Variants in GALNT8 observed in about 807,000 individuals in gnomAD.
GALNT8 encodes probable polypeptide N-acetylgalactosaminyltransferase 8.
A neutral mutation model predicts 62.7 loss-of-function variants in GALNT8; 66 were observed. The observed-to-expected ratio is 1.05, with a 90% CI of 0.86 to 1.29. GALNT8 has a LOEUF of 1.29. Among genes scored for constraint, GALNT8 ranks in the 50% most tolerant of loss-of-function variants. The pLI is 0.00. For missense variants in GALNT8, 771 were observed against 791.8 expected, an observed-to-expected ratio of 0.97 and a Z score of 0.32; for synonymous variants, 288 against 294.3, an observed-to-expected ratio of 0.98 and a Z score of 0.22.
chr12:4,759,557 T>A (rs1261889565), intron 6 of GALNT8, among the ~76,000 whole-genome samples: 1 of 151,722 alleles, frequency 6.6e-6, no homozygotes, highest in Non-Finnish European at 1.5e-5. Context: ...TTTTCTTTTT[T>A]TTTTAGTCCA....
Position 4,726,678 on chromosome 12 carries a change from C to T in GALNT8, c.358C>T (p.Pro120Ser), listed in dbSNP as rs772603603. 3.1e-6 allele frequency: 5 copies of T among 1,614,002 alleles called. No individual in the cohort carries two copies. The South Asian group carries it at 5.5e-5, about 18-fold the overall frequency. The change falls in exon 2 of 11, where the codon CCA (proline) becomes TCA (serine). Residue 120 changes from proline (P) to serine (S), a missense_variant. By Grantham distance (74) the Pro-to-Ser change is moderately conservative. Transcript: ENST00000252318. This position sits in a 1 kb window ranked among gnomAD's most constrained non-coding sequence, Gnocchi z 4.1. Reference sequence around the variant, plus strand: ...GCACAAAACCCAAATGAAACTCTTCCCACACTCACAGCTTTTCAGGCAATG... The same window carrying T: ...GCACAAAACCCAAATGAAACTCTTCTCACACTCACAGCTTTTCAGGCAATG... ...KKHKTQMKLF[P>S]HSQLFRQWGE...
chr12:4,768,891 A>C (rs1181974540), intron 10 of GALNT8, among the ~76,000 whole-genome samples: 1 of 152,150 alleles, frequency 6.6e-6, no homozygotes, highest in Admixed American at 6.5e-5. Flanking sequence ...TTACCAAAGA[A>C]ATTTTCCAAA....
At chr12:4,763,610 C>G (rs1946383093) in intron 8 of GALNT8, among the ~76,000 whole-genome samples, 1 of 152,158 alleles carries the variant, frequency 6.6e-6, no homozygotes, top group South Asian at 2.1e-4. Flanking sequence ...AAAACTATAG[C>G]TCTTGCCTGG....
rs143445835 is a variant in GALNT8, at chr12:4,761,986, G to A, written c.1359+843G>A. Among the ~76,000 whole-genome samples the A allele has an allele frequency of 4.9e-3, 746 of 152,298 alleles. 2 individuals are homozygous for A. The highest frequency in any genetic ancestry group is 7.8e-3 in the Non-Finnish European group (529 of 68,010). On this transcript the variant is annotated intron_variant, in intron 7 of 10. Coordinates refer to ENST00000252318, the MANE Select transcript of GALNT8 (RefSeq NM_017417.2). ...AGTCTGGAAGGACTCCTAGGGTCAG[G>A]AGCCAGGTTAACACTGGGATCACTA...
At position 4,764,094 on chromosome 12, in the gene GALNT8, G is replaced by T. The variant is rs748958529; in HGVS notation, c.1593+47G>T. ...GCCCTGCCTGGGCAAGTCTGTCGTG[G>T]CTCAGCCCCTGGTAACCATTGCTGG... On this transcript the variant is annotated intron_variant, in intron 9 of 10. Coordinates refer to ENST00000252318, the MANE Select transcript of GALNT8 (RefSeq NM_017417.2). 5 of 1,043,982 alleles carry T rather than the reference G, an allele frequency of 4.8e-6. No homozygotes were observed. In the East Asian group the frequency reaches 1.2e-4, roughly 25 times the overall value. The allele number at this position is 1,043,982 out of a possible 1,614,324, so 64.7% of individuals were successfully genotyped here.
At chr12:4,753,782 A>G (rs572387053) in intron 6 of GALNT8, among the ~76,000 whole-genome samples, 2 of 152,172 alleles carry the variant, frequency 1.3e-5, no homozygotes, top group Non-Finnish European at 2.9e-5. Context: ...AGTAAAGACT[A>G]CTTATTGTAG....
chr12:4,752,136 C>T (rs1030862268), intron 6 of GALNT8, among the ~76,000 whole-genome samples: 6 of 151,854 alleles, frequency 4.0e-5, no homozygotes, highest in East Asian at 1.9e-4. Flanking sequence ...TTAGTTTATG[C>T]GTGTTTTTAT....
intron 9 of GALNT8, 50 bp downstream of exon 9, chr12:4,764,097 C>T (rs1565390083): frequency 2.0e-6 from 2 of 1,009,260 alleles, no homozygotes; most frequent in Non-Finnish European, 1.6e-6. Flanking sequence ...TGTCGTGGCT[C>T]AGCCCCTGGT....
At chr12:4,760,838 A>G (rs1946368103) in intron 6 of GALNT8, 120 bp from the exon 7 acceptor site, 1 of 737,266 alleles carries the variant, frequency 1.4e-6, no homozygotes, top group African/African-American at 1.7e-5. Flanking sequence ...TAAAGGCAGG[A>G]GTGGGAGGAC....
rs1946370951 is a variant in GALNT8 at position 4,761,156 on chromosome 12, A to T, written c.1359+13A>T. ...CATACCTCTCCAGGTGAGTCATGGAATTGAACAGCAGCACGGAAGAATGAA... is the reference window on the plus strand; with the variant it reads ...CATACCTCTCCAGGTGAGTCATGGATTTGAACAGCAGCACGGAAGAATGAA... On this transcript the variant is annotated intron_variant, in intron 7 of 10. Transcript: ENST00000252318. 6 of 1,606,964 alleles carry T rather than the reference A, an allele frequency of 3.7e-6. No individual in the cohort carries two copies. In the East Asian group the frequency reaches 1.3e-4, roughly 36 times the overall value.
At chr12:4,759,628 G>A (rs1452963067) in intron 6 of GALNT8, among the ~76,000 whole-genome samples, 2 of 151,824 alleles carry the variant, frequency 1.3e-5, no homozygotes, top group African/African-American at 4.8e-5. Context: ...GTGAAGAAAA[G>A]GATGAAAACA....
intron 10 of GALNT8, among the ~76,000 whole-genome samples, chr12:4,768,927 A>C (rs775517043): frequency 1.3e-5 from 2 of 152,238 alleles, no homozygotes; most frequent in Admixed American, 1.3e-4. Flanking sequence ...AGACTAGATC[A>C]TCCCTTCGTT....
intron 10 of GALNT8, among the ~76,000 whole-genome samples, chr12:4,772,226 G>A (rs1013416865): frequency 1.3e-5 from 2 of 152,226 alleles, no homozygotes; most frequent in African/African-American, 2.4e-5. Context: ...CGAAGCCAGC[G>A]CAACATCGCC....
At chr12:4,725,699 G>T (rs1225236215) in intron 1 of GALNT8, among the ~76,000 whole-genome samples, 1 of 151,934 alleles carries the variant, frequency 6.6e-6, no homozygotes, top group Non-Finnish European at 1.5e-5. Context: ...GAGATTACAG[G>T]CATGCACCAC....
At chr12:4,760,155 T>G (rs1270024262) in intron 6 of GALNT8, among the ~76,000 whole-genome samples, 1 of 152,230 alleles carries the variant, frequency 6.6e-6, no homozygotes, top group Non-Finnish European at 1.5e-5. Flanking sequence ...CATCAAGGTG[T>G]CAGCCAGAGT....
At chr12:4,742,622 G>T (rs1946277072) in intron 3 of GALNT8, among the ~76,000 whole-genome samples, 1 of 152,158 alleles carries the variant, frequency 6.6e-6, no homozygotes. Flanking sequence ...GGTGTGGGGT[G>T]TGGTGATCTA....
chr12:4,762,571 C>T (rs369342612), intron 7 of GALNT8, among the ~76,000 whole-genome samples: 4 of 152,282 alleles, frequency 2.6e-5, no homozygotes, highest in East Asian at 1.9e-4. Flanking sequence ...GAGCAATCTG[C>T]GTAAGCTTAT....
At chr12:4,732,181 G>C (rs1360340691) in intron 2 of GALNT8, among the ~76,000 whole-genome samples, 1 of 152,170 alleles carries the variant, frequency 6.6e-6, no homozygotes, top group African/African-American at 2.4e-5. Flanking sequence ...CTGTTTGCAT[G>C]TATACAAATT....
In GALNT8 at chr12:4,739,281, T is replaced by G. The variant is rs1345481084; in HGVS notation, c.628T>G (p.Ser210Ala). 6.2e-7 allele frequency: 1 copy of G among 1,613,770 alleles called. No homozygotes were observed. The highest frequency in any genetic ancestry group is 8.5e-7 in the Non-Finnish European group (1 of 1,179,796). The change falls in exon 3 of 11, where the codon TCT becomes GCT. Residue 210 changes from serine (S) to alanine (A), a missense_variant. Physicochemically the swap from Ser to Ala is moderately conservative, Grantham distance 99. Coordinates refer to ENST00000252318, the MANE Select transcript of GALNT8 (RefSeq NM_017417.2). ...AITSIINRTP[S>A]RLLKEIILVD... is the part of the protein sequence containing the mutation. ...CACCAGTATCATCAACCGGACGCCC[T>G]CTCGATTGTTGAAGGAAATCATCTT...
Sources: gnomAD v4.1 joint callset for allele counts (sites outside exome capture counted in the v4.1 genomes callset) on GRCh38, gnomAD v4.1.1 for gene constraint, Gnocchi (gnomAD v3.1) non-coding constraint, MANE v1.5 for transcripts, NCBI Gene and HGNC (gene_info 2026-07-23, HGNC 2026-07-21) for gene names.